The following FUBP3 variants were observed in gnomAD, a reference collection of about 807,000 sequenced individuals.
FUBP3 encodes the protein far upstream element binding protein 3.
Under a neutral mutation model 85.6 loss-of-function variants are expected in FUBP3, and 28 were observed. The observed-to-expected ratio is 0.33, with a 90% confidence interval of 0.24 to 0.45. The LOEUF (loss-of-function observed/expected upper bound fraction) is 0.45, where lower values mean the gene tolerates loss of function less well. Ranked by LOEUF, FUBP3 falls within the 20% of genes least tolerant of loss-of-function variation. FUBP3 has a pLI of 1.00. For synonymous variants in FUBP3, 271 were observed against 271.4 expected (o/e 1.00, Z 0.01); for missense variants, 583 against 755.1 (o/e 0.77, Z 2.67).
chr9:130,601,610 T>C (rs1414928185), intron 2 of FUBP3, among the ~76,000 whole-genome samples: 2 of 151,410 alleles, frequency 1.3e-5, no homozygotes, highest in Non-Finnish European at 2.9e-5. Context: ...TGTAGCACCT[T>C]TTTTTTTGTC....
At position 130,635,893 on chromosome 9, in the gene FUBP3, C is replaced by G. The variant is rs1830396710; in HGVS notation, c.1583-106C>G. On this transcript the variant is annotated intron_variant, in intron 17 of 18. Transcript: ENST00000319725. This position sits in a 1 kb window ranked among gnomAD's most constrained non-coding sequence, Gnocchi z 4.3. Reference sequence around the variant, plus strand: ...CCTCACTGCCTCCCAGACCTCCCTGCCTTCCAGCCGTCCGGAGGGAGAGCA... The same window carrying G: ...CCTCACTGCCTCCCAGACCTCCCTGGCTTCCAGCCGTCCGGAGGGAGAGCA... The G allele has an allele frequency of 6.6e-6, 8 of 1,204,504 alleles. No homozygotes were observed. The highest frequency in any genetic ancestry group is 2.3e-5 in the East Asian group (1 of 42,636). The allele number at this position is 1,204,504 out of a possible 1,614,324, so 74.6% of individuals were successfully genotyped here.
At chr9:130,594,632 A>T (rs948041152) in intron 1 of FUBP3, among the ~76,000 whole-genome samples, 4 of 151,974 alleles carry the variant, frequency 2.6e-5, no homozygotes, top group Non-Finnish European at 4.4e-5. Context: ...GGTGGTGCGT[A>T]CTTGTAGTCT....
Position 130,599,885 on chromosome 9 carries a change from C to T in FUBP3, c.190+4297C>T, listed in dbSNP as rs528837607. On this transcript the variant is annotated intron_variant, in intron 2 of 18. Transcript: ENST00000319725. Reference sequence around the variant, plus strand: ...GCAACCTGGCCATTGCCTGCCCTCCCGCTTGGCTCCTCCCGTGCACCTCCT... The same window carrying T: ...GCAACCTGGCCATTGCCTGCCCTCCTGCTTGGCTCCTCCCGTGCACCTCCT... Among the ~76,000 whole-genome samples the T allele has an allele frequency of 2.8e-4, 43 of 152,258 alleles. No individual in the cohort carries two copies. In the South Asian group the frequency reaches 8.5e-3, roughly 30 times the overall value.
intron 17 of FUBP3, 58 bp downstream of exon 17, chr9:130,634,796 C>G (rs1830355927): frequency 7.4e-7 from 1 of 1,349,746 alleles, no homozygotes; most frequent in Non-Finnish European, 1.1e-6. Context: ...CCAGAGACTT[C>G]AGAGTCCAAG....
At chr9:130,636,505 G>T (rs899037749) in intron 18 of FUBP3, among the ~76,000 whole-genome samples, 1 of 152,264 alleles carries the variant, frequency 6.6e-6, no homozygotes, top group Non-Finnish European at 1.5e-5. Context: ...CTCGAGGAGG[G>T]TGGAGTGGCC....
intron 1 of FUBP3, among the ~76,000 whole-genome samples, chr9:130,588,182 GAC>G (rs1179134458): frequency 6.6e-6 from 1 of 152,162 alleles, no homozygotes; most frequent in Non-Finnish European, 1.5e-5. Context: ...ATTATTAAGA[GAC>G]AAACTTGAGC....
intron 13 of FUBP3, chr9:130,631,051 G>A: frequency 1.2e-6 from 1 of 864,690 alleles, no homozygotes; most frequent in Non-Finnish European, 1.5e-6. Flanking sequence ...TCCCCTGCGG[G>A]CTTAGATGAG....
chr9:130,616,528 CCGGAGCA>C lies in FUBP3; in HGVS notation c.567+20_567+26del, dbSNP rs541066153. ...ATCAAGCAGTTGCAGGTGTGTGAGC[CCGGAGCA>C]CGGAGCACAGCGGCCGCTCGCAGCA... On this transcript the variant is annotated intron_variant, in intron 7 of 18. Coordinates refer to ENST00000319725, the MANE Select transcript of FUBP3 (RefSeq NM_003934.2). This position sits in a 1 kb window ranked among gnomAD's most constrained non-coding sequence, Gnocchi z 4.7. The C allele has an allele frequency of 3.1e-3, 4,983 of 1,613,604 alleles. 10 individuals carry two copies. Among genetic ancestry groups the C allele is most frequent in the Non-Finnish European group, 3.8e-3 (4,493 of 1,179,594 alleles).
intron 2 of FUBP3, among the ~76,000 whole-genome samples, chr9:130,604,562 C>G (rs943387465): frequency 2.0e-5 from 3 of 152,168 alleles, no homozygotes; most frequent in African/African-American, 7.2e-5. Context: ...CCTGCCTCAT[C>G]AGATTATCAT....
Position 130,614,353 on chromosome 9 carries a change from T to G in FUBP3, c.404+8T>G, listed in dbSNP as rs772743849. ...AACCCCAGAAAGTATTGAGTAAGTT[T>G]ATTTTATTTACTTTTTCTTTCACTC... On this transcript the variant is annotated splice_region_variant and intron_variant, in intron 6 of 18. Coordinates refer to ENST00000319725, the MANE Select transcript of FUBP3 (RefSeq NM_003934.2). The G allele has an allele frequency of 1.3e-6, 2 of 1,555,270 alleles. No individual in the cohort carries two copies. The highest frequency in any genetic ancestry group is 1.8e-6 in the Non-Finnish European group (2 of 1,127,598).
chr9:130,623,795 G>A, intron 11 of FUBP3, 84 bp downstream of exon 11: 1 of 798,262 alleles, frequency 1.3e-6, no homozygotes, highest in Non-Finnish European at 2.1e-6. Flanking sequence ...GCACCATAGA[G>A]CTGTCACCCT....
At chr9:130,606,935 A>G (rs1242989330) in intron 2 of FUBP3, among the ~76,000 whole-genome samples, 1 of 152,104 alleles carries the variant, frequency 6.6e-6, no homozygotes, top group African/African-American at 2.4e-5. Flanking sequence ...CTAATAGGGA[A>G]AAATGTGTCT....
chr9:130,579,839 C>T (rs940729419), intron 1 of FUBP3, 75 bp downstream of exon 1: 10 of 940,534 alleles, frequency 1.1e-5, no homozygotes, highest in South Asian at 5.3e-5. Context: ...GGGGTTCGGG[C>T]CTGGGGGGCG....
chr9:130,613,068 C>T (rs1831830879), intron 5 of FUBP3, 41 bp downstream of exon 5: 1 of 1,293,496 alleles, frequency 7.7e-7, no homozygotes, highest in African/African-American at 1.5e-5. Flanking sequence ...TTGTAGAAAT[C>T]AGTATTTTGC....
At chr9:130,585,703 C>T (rs1262190829) in intron 1 of FUBP3, among the ~76,000 whole-genome samples, 1 of 152,188 alleles carries the variant, frequency 6.6e-6, no homozygotes, top group African/African-American at 2.4e-5. Context: ...TCACTTCGTG[C>T]CCTCTTTCCA....
Position 130,612,370 on chromosome 9 carries a change from A to G in FUBP3, c.225-86A>G, listed in dbSNP as rs1264955349. The stretch of plus-strand genomic sequence containing the variant: ...GTATTTTAAGCTTTTATCATGCAAC[A>G]TTGCCAGTATGGGCAGTTTGGGGAC... On this transcript the variant is annotated intron_variant, in intron 3 of 18. Transcript: ENST00000319725. The surrounding 1 kb of genome is among the most constrained non-coding windows in gnomAD (Gnocchi z 4.1). The G allele has an allele frequency of 6.4e-6, 5 of 783,746 alleles. No individual in the cohort carries two copies. The highest frequency in any genetic ancestry group is 4.6e-5 in the Admixed American group (2 of 43,356). The allele number at this position is 783,746 out of a possible 1,614,324, so 48.5% of individuals were successfully genotyped here.
chr9:130,612,045 ACTC>A lies in FUBP3; in HGVS notation c.225-409_225-407del, dbSNP rs1460501068. 6.6e-6 allele frequency among the ~76,000 whole-genome samples: 1 copy of A among 152,120 alleles called. No homozygotes were observed. Among genetic ancestry groups the A allele is most frequent in the Non-Finnish European group, 1.5e-5 (1 of 68,028 alleles). ...ATGGATATCTCTTCATCTAGAGAGG[ACTC>A]CACAATAGAAGTCTAAACATCTCCC... On this transcript the variant is annotated intron_variant, in intron 3 of 18. Coordinates refer to ENST00000319725, the MANE Select transcript of FUBP3 (RefSeq NM_003934.2). This position sits in a 1 kb window ranked among gnomAD's most constrained non-coding sequence, Gnocchi z 4.1.
chr9:130,631,805 A>G, intron 14 of FUBP3, 137 bp from the exon 15 acceptor site: 1 of 822,960 alleles, frequency 1.2e-6, no homozygotes, highest in East Asian at 2.5e-5. Context: ...CACTGACCTC[A>G]GCGATGGGGT....
At chr9:130,594,620 G>A (rs889509049) in intron 1 of FUBP3, among the ~76,000 whole-genome samples, 2 of 152,042 alleles carry the variant, frequency 1.3e-5, no homozygotes, top group Admixed American at 6.6e-5. Context: ...TTAGCTGGAC[G>A]TGGTGGTGCG....
Sources: allele counts gnomAD v4.1 joint callset (sites outside exome capture counted in the v4.1 genomes callset), GRCh38; gene constraint gnomAD v4.1.1; non-coding constraint Gnocchi (gnomAD v3.1); transcripts MANE v1.5; gene names NCBI Gene and HGNC (gene_info 2026-07-23, HGNC 2026-07-21).